The following KLHL1 variants were observed in gnomAD, a reference collection of about 807,000 sequenced individuals.
The protein encoded by KLHL1 is kelch like family member 1, also known as kelch-like protein 1.
In KLHL1, 47 loss-of-function variants were observed where a neutral mutation model predicts 77.7. The observed-to-expected ratio is 0.60, with a 90% confidence interval of 0.48 to 0.77. The LOEUF is 0.77. Ranked by LOEUF, KLHL1 falls within the 30% of genes least tolerant of loss-of-function variation. The pLI is 0.00. For synonymous variants in KLHL1, 360 were observed against 325.2 expected (o/e 1.11, Z -1.15); for missense variants, 925 against 910.8 (o/e 1.02, Z -0.20).
intron 4 of KLHL1, among the ~76,000 whole-genome samples, chr13:69,899,006 TA>T (rs1881754523): frequency 8.5e-6 from 1 of 117,120 alleles, no homozygotes; most frequent in African/African-American, 3.2e-5. Context: ...ACAAATGCAA[TA>T]AAAATTACAC....
chr13:69,977,752 T>C (rs1271933851), intron 1 of KLHL1, among the ~76,000 whole-genome samples: 6 of 152,208 alleles, frequency 3.9e-5, no homozygotes, highest in Admixed American at 6.5e-5. Context: ...ACCACAGTTA[T>C]GCAAAATAAA....
At chr13:69,882,890 A>C (rs1277395703) in intron 4 of KLHL1, among the ~76,000 whole-genome samples, 1 of 152,176 alleles carries the variant, frequency 6.6e-6, no homozygotes, top group Non-Finnish European at 1.5e-5. Context: ...ATGGCACTAA[A>C]ATTGCATAGA....
chr13:69,926,226 G>A (rs1012048692), intron 4 of KLHL1, among the ~76,000 whole-genome samples: 1 of 152,002 alleles, frequency 6.6e-6, no homozygotes, highest in East Asian at 1.9e-4. Context: ...AGAGTCAAAG[G>A]GTGGCATATT....
chr13:69,851,785 C>T (rs888945425), intron 5 of KLHL1, among the ~76,000 whole-genome samples: 1 of 151,770 alleles, frequency 6.6e-6, no homozygotes, highest in Non-Finnish European at 1.5e-5. Flanking sequence ...CTGGATCATC[C>T]TTTCTTGCAG....
chr13:70,069,782 A>AAGTGCAAACCCAT (rs1363629116), intron 1 of KLHL1, among the ~76,000 whole-genome samples: 7 of 152,182 alleles, frequency 4.6e-5, no homozygotes, highest in Admixed American at 1.3e-4. Flanking sequence ...CTAAAATGAA[A>AAGTGCAAACCCAT]AGATTTTAAA....
intron 1 of KLHL1, among the ~76,000 whole-genome samples, chr13:69,978,794 A>T (rs1023411593): frequency 2.0e-5 from 3 of 152,298 alleles, no homozygotes; most frequent in Non-Finnish European, 4.4e-5. Flanking sequence ...GCCTGGGCAG[A>T]AATTTTTAAT....
chr13:69,743,995 A>G (rs895765114), intron 7 of KLHL1, among the ~76,000 whole-genome samples: 2 of 152,136 alleles, frequency 1.3e-5, no homozygotes, highest in African/African-American at 4.8e-5. Flanking sequence ...AGTGGGGCAA[A>G]TAAATAGGCA....
chr13:69,780,719 T>TATAC (rs1176827873), intron 7 of KLHL1, among the ~76,000 whole-genome samples: 2 of 59,626 alleles, frequency 3.4e-5, no homozygotes, highest in African/African-American at 6.4e-5. Context: ...TATATATGTA[T>TATAC]ATATATATAT....
At chr13:69,937,112 G>T (rs952459263) in intron 4 of KLHL1, among the ~76,000 whole-genome samples, 1 of 152,172 alleles carries the variant, frequency 6.6e-6, no homozygotes, top group Non-Finnish European at 1.5e-5. Flanking sequence ...AGCTGACTTT[G>T]GAGGGAAGTA....
intron 1 of KLHL1, among the ~76,000 whole-genome samples, chr13:70,076,480 G>C (rs1228485483): frequency 6.6e-6 from 1 of 150,616 alleles, no homozygotes; most frequent in Non-Finnish European, 1.5e-5. Context: ...CACAAAAGGG[G>C]CATAGACAGA....
At chr13:70,044,721 A>C (rs1178362651) in intron 1 of KLHL1, among the ~76,000 whole-genome samples, 2 of 152,178 alleles carry the variant, frequency 1.3e-5, no homozygotes, top group Non-Finnish European at 2.9e-5. Context: ...ACTTACTACA[A>C]ATTCTCACTT....
At chr13:69,856,249 G>A (rs892965272) in intron 5 of KLHL1, among the ~76,000 whole-genome samples, 3 of 151,926 alleles carry the variant, frequency 2.0e-5, no homozygotes, top group African/African-American at 7.2e-5. Context: ...TATAGTCACT[G>A]CCCATTCTAA....
At chr13:69,758,099 G>C (rs975701) in intron 7 of KLHL1, among the ~76,000 whole-genome samples, 1 of 150,980 alleles carries the variant, frequency 6.6e-6, no homozygotes, top group Non-Finnish European at 1.5e-5. Context: ...ACCATCAAAC[G>C]ATCAAAAAAT....
rs534541841 is a variant in KLHL1 at position 70,027,034 on chromosome 13, T to C, written c.498-51232A>G. Among the ~76,000 whole-genome samples, 6 of 152,138 alleles carry C rather than the reference T, an allele frequency of 3.9e-5. No homozygotes were observed. The South Asian group carries it at 1.2e-3, about 32-fold the overall frequency. ...ATTGTGAGCTTCAGGTGCATCACAA[T>C]GGGAAACAACAAATTTTGAGTTTAG... On this transcript the variant is annotated intron_variant, in intron 1 of 10. Coordinates refer to ENST00000377844, the MANE Select transcript of KLHL1 (RefSeq NM_020866.3).
chr13:70,082,901 C>T (rs1191697997), intron 1 of KLHL1, among the ~76,000 whole-genome samples: 4 of 152,114 alleles, frequency 2.6e-5, no homozygotes, highest in Non-Finnish European at 5.9e-5. Flanking sequence ...TATGTTCTTA[C>T]TTATAAGTGG....
chr13:70,020,214 T>C (rs1007744255), intron 1 of KLHL1, among the ~76,000 whole-genome samples: 1 of 152,144 alleles, frequency 6.6e-6, no homozygotes, highest in African/African-American at 2.4e-5. Flanking sequence ...AAAGTTATAT[T>C]CTAACAGCAT....
chr13:69,822,421 G>A (rs1269351332), intron 6 of KLHL1, among the ~76,000 whole-genome samples: 1 of 152,038 alleles, frequency 6.6e-6, no homozygotes, highest in African/African-American at 2.4e-5. Flanking sequence ...TTTGATTTGG[G>A]AGAAAATACC....
intron 5 of KLHL1, among the ~76,000 whole-genome samples, chr13:69,839,569 T>G (rs1026956211): frequency 6.6e-6 from 1 of 151,976 alleles, no homozygotes; most frequent in Non-Finnish European, 1.5e-5. Flanking sequence ...ACTGTAAGTG[T>G]TCATATATTT....
At chr13:69,826,481 G>C (rs1301590593) in intron 6 of KLHL1, among the ~76,000 whole-genome samples, 2 of 152,138 alleles carry the variant, frequency 1.3e-5, no homozygotes, top group Non-Finnish European at 2.9e-5. Flanking sequence ...TCAGGAGTCT[G>C]AGGCAGGAGA....
Sources: gnomAD v4.1 joint callset for allele counts (sites outside exome capture counted in the v4.1 genomes callset) on GRCh38, gnomAD v4.1.1 for gene constraint, MANE v1.5 for transcripts, NCBI Gene and HGNC (gene_info 2026-07-23, HGNC 2026-07-21) for gene names.